Variants in PPP1R14C observed in about 807,000 individuals in gnomAD.
PPP1R14C encodes the protein protein phosphatase 1 regulatory inhibitor subunit 14C.
A neutral mutation model predicts 20.4 loss-of-function variants in PPP1R14C; 16 were observed. That is an observed-to-expected ratio of 0.78 (90% CI 0.53 to 1.19). The LOEUF (loss-of-function observed/expected upper bound fraction) is 1.19, where lower values mean the gene tolerates loss of function less well. Ranked by LOEUF, PPP1R14C falls within the 50% of genes most tolerant of loss-of-function variation. The pLI is 0.00. For missense variants in PPP1R14C, 211 were observed against 220.1 expected (o/e 0.96, Z 0.26); for synonymous variants, 91 against 91.0 (o/e 1.00, Z 0.00).
intron 1 of PPP1R14C, among the ~76,000 whole-genome samples, chr6:150,200,659 C>A (rs1777865979): frequency 1.3e-5 from 2 of 152,202 alleles, no homozygotes; most frequent in Admixed American, 1.3e-4. Context: ...AGATTAGAAG[C>A]AGCCATATCC....
rs1777148844 is a variant in PPP1R14C, at chr6:150,143,581, C to T, written c.306+83C>T. The T allele has an allele frequency of 1.9e-6, 2 of 1,039,604 alleles. No homozygotes were observed. The highest frequency in any genetic ancestry group is 2.8e-6 in the Non-Finnish European group (2 of 723,514). 64.4% of individuals were successfully genotyped at this position (1,039,604 alleles called of 1,614,324 possible). On this transcript the variant is annotated intron_variant, in intron 1 of 3. Coordinates refer to ENST00000361131, the MANE Select transcript of PPP1R14C (RefSeq NM_030949.3). The surrounding 1 kb of genome is among the most constrained non-coding windows in gnomAD (Gnocchi z 5.6). ...CAGTAATTTTCCCGGGCTCCAGCTCCGGGGCGCGCATGTCCCTGACTCCCG... is the reference window on the plus strand; with the variant it reads ...CAGTAATTTTCCCGGGCTCCAGCTCTGGGGCGCGCATGTCCCTGACTCCCG...
intron 1 of PPP1R14C, among the ~76,000 whole-genome samples, chr6:150,182,664 T>C (rs565645501): frequency 1.8e-4 from 27 of 152,344 alleles, no homozygotes; most frequent in African/African-American, 5.5e-4. Context: ...ACCTACCTTA[T>C]AACGTTATTG....
At chr6:150,172,537 C>G (rs556803967) in intron 1 of PPP1R14C, among the ~76,000 whole-genome samples, 4 of 152,280 alleles carry the variant, frequency 2.6e-5, no homozygotes, top group African/African-American at 9.6e-5. Context: ...CTGAGCATCA[C>G]TGGGTGTGTG....
rs570996659 is a variant in PPP1R14C at position 150,144,511 on chromosome 6, G to A, written c.306+1013G>A. 3.3e-5 allele frequency among the ~76,000 whole-genome samples: 5 copies of A among 152,302 alleles called. No individual in the cohort carries two copies. In the East Asian group the frequency reaches 7.7e-4, roughly 23 times the overall value. On this transcript the variant is annotated intron_variant, in intron 1 of 3. Transcript: ENST00000361131. Reference sequence around the variant, plus strand: ...TTTGGAAAGGGTGGAAGCATGAAGGGGTTAATAATTAAGAATGTGGCTTCT... The same window carrying A: ...TTTGGAAAGGGTGGAAGCATGAAGGAGTTAATAATTAAGAATGTGGCTTCT...
At chr6:150,208,041 G>A (rs1168689936) in intron 1 of PPP1R14C, among the ~76,000 whole-genome samples, 3 of 152,016 alleles carry the variant, frequency 2.0e-5, no homozygotes, top group Non-Finnish European at 2.9e-5. Flanking sequence ...AACAACCAGC[G>A]CCTCATGAGA....
rs548374401 is a variant in PPP1R14C, at chr6:150,196,504, C to A, written c.307-18240C>A. ...TTGTTTTGAGTATGTTCTCCTCAAT[C>A]CAAATTGTTCCCTGCTCAGGAGAAA... is the stretch of plus-strand genomic sequence containing the variant. On this transcript the variant is annotated intron_variant, in intron 1 of 3. Transcript: ENST00000361131. Among the ~76,000 whole-genome samples, 3 of 151,710 alleles carry A rather than the reference C, an allele frequency of 2.0e-5. No homozygotes were observed. In the East Asian group the frequency reaches 5.8e-4, roughly 29 times the overall value.
intron 1 of PPP1R14C, among the ~76,000 whole-genome samples, chr6:150,163,549 G>A (rs1353921374): frequency 6.6e-6 from 1 of 152,134 alleles, no homozygotes. Context: ...GGGGTCCCTC[G>A]TGTGTGCTTA....
intron 1 of PPP1R14C, among the ~76,000 whole-genome samples, chr6:150,174,262 C>G (rs1777532586): frequency 6.6e-6 from 1 of 152,156 alleles, no homozygotes; most frequent in Admixed American, 6.5e-5. Context: ...CTCTGTCGCC[C>G]AGGCTGGAGT....
chr6:150,162,057 T>C (rs1019520765), intron 1 of PPP1R14C, among the ~76,000 whole-genome samples: 10 of 73,252 alleles, frequency 1.4e-4, no homozygotes, highest in Non-Finnish European at 2.6e-4. Context: ...TTCTTTTCTT[T>C]TTTCTTTTTT....
chr6:150,222,531 A>G (rs1049634144), intron 3 of PPP1R14C, among the ~76,000 whole-genome samples: 1 of 152,140 alleles, frequency 6.6e-6, no homozygotes, highest in Non-Finnish European at 1.5e-5. Context: ...TGATTTCATA[A>G]TGACATGTAT....
At chr6:150,203,476 C>G (rs1039428267) in intron 1 of PPP1R14C, among the ~76,000 whole-genome samples, 2 of 152,206 alleles carry the variant, frequency 1.3e-5, no homozygotes, top group Non-Finnish European at 2.9e-5. Flanking sequence ...ACAATTTCCT[C>G]TCAGTGTCTT....
chr6:150,249,377 T>C lies in PPP1R14C; in HGVS notation c.*557T>C. The C allele has an allele frequency of 2.5e-6, 1 of 398,904 alleles. No homozygotes were observed. The highest frequency in any genetic ancestry group is 3.6e-5 in the East Asian group (1 of 28,080). 24.7% of individuals were successfully genotyped at this position (398,904 alleles called of 1,614,324 possible). Reference sequence around the variant, plus strand: ...GTTTTCAAGAGGCCACTAGGCATTCTTCACTGAGTGCTGCTGACTTCAACG... The same window carrying C: ...GTTTTCAAGAGGCCACTAGGCATTCCTCACTGAGTGCTGCTGACTTCAACG... On this transcript the variant is annotated 3_prime_UTR_variant, in exon 4 of 4. Transcript: ENST00000361131.
intron 1 of PPP1R14C, among the ~76,000 whole-genome samples, chr6:150,173,419 C>T (rs1391166868): frequency 6.6e-6 from 1 of 152,090 alleles, no homozygotes; most frequent in Non-Finnish European, 1.5e-5. Flanking sequence ...CTCCTGGACT[C>T]CCTTCCCCAG....
chr6:150,214,257 T>A (rs911613826), intron 1 of PPP1R14C, among the ~76,000 whole-genome samples: 4 of 152,214 alleles, frequency 2.6e-5, no homozygotes, highest in South Asian at 2.1e-4. Flanking sequence ...AAATAAAGAT[T>A]GGGGTAATCA....
chr6:150,227,426 G>A (rs1428529528), intron 3 of PPP1R14C, among the ~76,000 whole-genome samples: 2 of 152,208 alleles, frequency 1.3e-5, no homozygotes, highest in Admixed American at 6.5e-5. Flanking sequence ...GGACAGAAAT[G>A]TCAGGCTGTG....
At chr6:150,219,807 A>G (rs937784250) in intron 3 of PPP1R14C, among the ~76,000 whole-genome samples, 1 of 152,044 alleles carries the variant, frequency 6.6e-6, no homozygotes, top group Non-Finnish European at 1.5e-5. Flanking sequence ...TCACATTTTA[A>G]TATGGGGAGA....
chr6:150,162,894 G>A (rs1198441299), intron 1 of PPP1R14C, among the ~76,000 whole-genome samples: 1 of 152,154 alleles, frequency 6.6e-6, no homozygotes, highest in African/African-American at 2.4e-5. Flanking sequence ...GGGCCAGGAA[G>A]GGCTTCTTTG....
intron 1 of PPP1R14C, among the ~76,000 whole-genome samples, chr6:150,147,710 C>G (rs1409917244): frequency 6.6e-6 from 1 of 152,188 alleles, no homozygotes; most frequent in Non-Finnish European, 1.5e-5. Context: ...GCTTGTGTAC[C>G]TTGGGTACTT....
chr6:150,177,197 T>C (rs1777572482), intron 1 of PPP1R14C, among the ~76,000 whole-genome samples: 1 of 152,178 alleles, frequency 6.6e-6, no homozygotes, highest in Non-Finnish European at 1.5e-5. Context: ...CCCTGCACCG[T>C]GTGGCCATTT....
Sources: gnomAD v4.1 joint callset for allele counts (sites outside exome capture counted in the v4.1 genomes callset) on GRCh38, gnomAD v4.1.1 for gene constraint, Gnocchi (gnomAD v3.1) non-coding constraint, MANE v1.5 for transcripts, NCBI Gene and HGNC (gene_info 2026-07-23, HGNC 2026-07-21) for gene names.